Variants in GREM2 observed in about 807,000 individuals in gnomAD.
GREM2 encodes the protein gremlin 2, DAN family BMP antagonist.
In GREM2, 11 loss-of-function variants were observed where a neutral mutation model predicts 14.2. The observed-to-expected ratio is 0.78, with a 90% CI of 0.49 to 1.28. The LOEUF (loss-of-function observed/expected upper bound fraction) is 1.28. Ranked by LOEUF, GREM2 falls within the 50% of genes most tolerant of loss-of-function variation. The pLI, the probability that GREM2 is intolerant of heterozygous loss-of-function variation, is 0.00. For missense variants in GREM2, 210 were observed against 218.5 expected (o/e 0.96, Z 0.24); for synonymous variants, 98 against 97.6 (o/e 1.00, Z -0.02).
chr1:240,536,177 G>C (rs1169108754), intron 1 of GREM2, among the ~76,000 whole-genome samples: 2 of 152,136 alleles, frequency 1.3e-5, no homozygotes, highest in Non-Finnish European at 2.9e-5. Context: ...AGCTCCAATG[G>C]AGATAATGTA....
intron 1 of GREM2, among the ~76,000 whole-genome samples, chr1:240,500,388 T>G (rs1252802625): frequency 2.0e-5 from 3 of 151,880 alleles, no homozygotes; most frequent in Admixed American, 2.0e-4. Flanking sequence ...AAGCTCCGCC[T>G]CCCAGGTTCA....
At chr1:240,575,055 C>T (rs1262617655) in intron 1 of GREM2, among the ~76,000 whole-genome samples, 1 of 151,640 alleles carries the variant, frequency 6.6e-6, no homozygotes, top group African/African-American at 2.4e-5. Flanking sequence ...TGCAGTGAGC[C>T]AAGATCGCAC....
chr1:240,498,078 T>C (rs1677472475), intron 1 of GREM2, among the ~76,000 whole-genome samples: 1 of 152,158 alleles, frequency 6.6e-6, no homozygotes, highest in Admixed American at 6.5e-5. Flanking sequence ...CTAGATCTTA[T>C]CAGAGAGAAC....
intron 1 of GREM2, among the ~76,000 whole-genome samples, chr1:240,576,954 G>A (rs1418826310): frequency 6.6e-6 from 1 of 152,028 alleles, no homozygotes; most frequent in Non-Finnish European, 1.5e-5. Context: ...TTTTGTTTCC[G>A]ATGTGTATTT....
At chr1:240,572,008 G>A (rs1393836987) in intron 1 of GREM2, among the ~76,000 whole-genome samples, 1 of 152,062 alleles carries the variant, frequency 6.6e-6, no homozygotes, top group Non-Finnish European at 1.5e-5. Flanking sequence ...ATTCCAGCAG[G>A]GAGTTTGATT....
chr1:240,602,223 A>T (rs933612077), intron 1 of GREM2, among the ~76,000 whole-genome samples: 5 of 152,114 alleles, frequency 3.3e-5, no homozygotes, highest in Admixed American at 1.3e-4. Context: ...ACAGGAAGAG[A>T]GGTTGCTTGT....
Position 240,491,650 on chromosome 1 carries a change from C to G in GREM2, c.*1319G>C, listed in dbSNP as rs1677252178. The G allele has an allele frequency of 6.6e-6, 1 of 152,614 alleles. No homozygotes were observed. Among genetic ancestry groups the G allele is most frequent in the Non-Finnish European group, 1.5e-5 (1 of 68,044 alleles). The allele number at this position is 152,614 out of a possible 1,614,324, so 9.5% of individuals were successfully genotyped here. The stretch of plus-strand genomic sequence containing the variant: ...GTTCAACTAGATTACTATTCTATAT[C>G]TTTTATTCCTTACTCCCTTCTATAC... On this transcript the variant is annotated 3_prime_UTR_variant, in exon 2 of 2. Transcript: ENST00000318160.
At chr1:240,602,480 T>C (rs779417472) in intron 1 of GREM2, among the ~76,000 whole-genome samples, 1 of 152,270 alleles carries the variant, frequency 6.6e-6, no homozygotes, top group African/African-American at 2.4e-5. Flanking sequence ...CTGTAACATA[T>C]AAGATAAAAA....
At chr1:240,608,977 T>G (rs911615157) in intron 1 of GREM2, among the ~76,000 whole-genome samples, 1 of 152,128 alleles carries the variant, frequency 6.6e-6, no homozygotes, top group African/African-American at 2.4e-5. Context: ...ATGCATTTAT[T>G]TTCCCCCCAC....
rs1677266785 is a variant in GREM2, at chr1:240,492,141, C to T, written c.*828G>A. On this transcript the variant is annotated 3_prime_UTR_variant, in exon 2 of 2. Transcript: ENST00000318160. ...TATAATACTTTTTAACAGCTCTTTACAATATACGGTCACTTATAAAACCAG... is the reference window on the plus strand; with the variant it reads ...TATAATACTTTTTAACAGCTCTTTATAATATACGGTCACTTATAAAACCAG... 2.6e-6 allele frequency: 1 copy of T among 385,442 alleles called. No individual in the cohort carries two copies. Among genetic ancestry groups the T allele is most frequent in the Non-Finnish European group, 5.4e-6 (1 of 184,418 alleles). 23.9% of individuals were successfully genotyped at this position (385,442 alleles called of 1,614,324 possible).
At chr1:240,518,677 T>C (rs1047242259) in intron 1 of GREM2, among the ~76,000 whole-genome samples, 1 of 152,196 alleles carries the variant, frequency 6.6e-6, no homozygotes, top group Admixed American at 6.5e-5. Flanking sequence ...TTACATCTCA[T>C]TCAGAAACAT....
intron 1 of GREM2, among the ~76,000 whole-genome samples, chr1:240,499,158 A>G (rs1206659379): frequency 6.6e-6 from 1 of 152,186 alleles, no homozygotes; most frequent in East Asian, 1.9e-4. Flanking sequence ...GAACAATAAA[A>G]CTTCCTGATT....
intron 1 of GREM2, among the ~76,000 whole-genome samples, chr1:240,511,923 CAATAAG>C (rs773293227): frequency 9.2e-5 from 14 of 152,108 alleles, no homozygotes; most frequent in Non-Finnish European, 1.8e-4. Context: ...CCTCATACCC[CAATAAG>C]AATAAGTGTG....
chr1:240,596,836 T>C (rs932951085), intron 1 of GREM2, among the ~76,000 whole-genome samples: 1 of 152,192 alleles, frequency 6.6e-6, no homozygotes, highest in African/African-American at 2.4e-5. Context: ...GTACCCAAAC[T>C]TACGCTCTGA....
At chr1:240,518,050 C>T (rs148111885) in intron 1 of GREM2, among the ~76,000 whole-genome samples, 19 of 152,318 alleles carry the variant, frequency 1.2e-4, no homozygotes, top group Middle Eastern at 6.8e-3. Context: ...CCGAATCCTA[C>T]ATAGCGTCAA....
intron 1 of GREM2, among the ~76,000 whole-genome samples, chr1:240,568,584 T>C (rs1235194352): frequency 6.6e-6 from 1 of 152,108 alleles, no homozygotes. Context: ...ATAAGTATAC[T>C]CTGAATATAA....
At chr1:240,526,672 T>C (rs957663835) in intron 1 of GREM2, among the ~76,000 whole-genome samples, 7 of 152,222 alleles carry the variant, frequency 4.6e-5, no homozygotes, top group Admixed American at 3.9e-4. Flanking sequence ...CAAATCTCCG[T>C]GCTTACGTGG....
intron 1 of GREM2, among the ~76,000 whole-genome samples, chr1:240,514,117 T>C (rs12044965): frequency 0.6 from 90,827 of 151,696 alleles, 29,041 homozygotes; most frequent in African/African-American, 0.84. Flanking sequence ...CGTGGTGGCA[T>C]GCATCTGTAA....
chr1:240,578,386 A>C (rs1428219991), intron 1 of GREM2, among the ~76,000 whole-genome samples: 1 of 151,726 alleles, frequency 6.6e-6, no homozygotes, highest in African/African-American at 2.4e-5. Flanking sequence ...GTGGCCTCCC[A>C]AAATGCTGGG....
Sources: gnomAD v4.1 joint callset for allele counts (sites outside exome capture counted in the v4.1 genomes callset) on GRCh38, gnomAD v4.1.1 for gene constraint, MANE v1.5 for transcripts, NCBI Gene and HGNC (gene_info 2026-07-23, HGNC 2026-07-21) for gene names.